Variants in CACNB2 observed in about 807,000 individuals in gnomAD.
CACNB2 encodes voltage-dependent L-type calcium channel subunit beta-2.
A neutral mutation model predicts 73.3 loss-of-function variants in CACNB2; 42 were observed. The observed-to-expected ratio is 0.57, with a 90% confidence interval of 0.45 to 0.74. The LOEUF is 0.74. Among genes scored for constraint, CACNB2 ranks in the 30% least tolerant of loss-of-function variants. The pLI, the probability that CACNB2 is intolerant of heterozygous loss-of-function variation, is 0.00. For synonymous variants in CACNB2, 348 were observed against 310.3 expected, an observed-to-expected ratio of 1.12 and a Z score of -1.28; for missense variants, 940 against 853.0, an observed-to-expected ratio of 1.10 and a Z score of -1.27.
chr10:18,522,869 C>G (rs2052048520), intron 9 of CACNB2, among the ~76,000 whole-genome samples: 1 of 95,600 alleles, frequency 1.0e-5, no homozygotes, highest in African/African-American at 4.5e-5. Flanking sequence ...CAGAGTGAGA[C>G]TCTGTCTCAA....
At chr10:18,510,241 G>T (rs549057421) in intron 6 of CACNB2, among the ~76,000 whole-genome samples, 1 of 152,160 alleles carries the variant, frequency 6.6e-6, no homozygotes, top group Non-Finnish European at 1.5e-5. Flanking sequence ...CCTGACTCAG[G>T]CTATGTGTGT....
At chr10:18,378,211 G>A (rs775450471) in intron 2 of CACNB2, among the ~76,000 whole-genome samples, 1 of 152,092 alleles carries the variant, frequency 6.6e-6, no homozygotes, top group Non-Finnish European at 1.5e-5. Flanking sequence ...GAACCTGTCA[G>A]TTTTCACATT....
intron 2 of CACNB2, among the ~76,000 whole-genome samples, chr10:18,350,548 G>A (rs1461573602): frequency 1.3e-5 from 2 of 152,164 alleles, no homozygotes; most frequent in African/African-American, 4.8e-5. Context: ...GTTCCCTCAG[G>A]AGTAGCGCTT....
chr10:18,444,383 A>G (rs891012791), intron 3 of CACNB2, among the ~76,000 whole-genome samples: 3 of 152,228 alleles, frequency 2.0e-5, no homozygotes, highest in Non-Finnish European at 2.9e-5. Flanking sequence ...TGTGTCCTTC[A>G]GCAAGTTACT....
At chr10:18,403,418 A>G (rs1347755312) in intron 3 of CACNB2, among the ~76,000 whole-genome samples, 3 of 152,246 alleles carry the variant, frequency 2.0e-5, no homozygotes, top group Non-Finnish European at 4.4e-5. Flanking sequence ...AAAGAAGAGT[A>G]CAAAAAAACT....
At chr10:18,344,981 GAGATCACTGTTTAATC>G (rs1019378680) in intron 2 of CACNB2, among the ~76,000 whole-genome samples, 8 of 152,244 alleles carry the variant, frequency 5.3e-5, no homozygotes, top group Middle Eastern at 3.4e-3. Context: ...ACCTTATTTT[GAGATCACTGTTTAATC>G]AGATCACTGT....
At position 18,518,739 on chromosome 10, in the gene CACNB2, A is replaced by C. The variant is rs116484182; in HGVS notation, c.886-171A>C. On this transcript the variant is annotated intron_variant, in intron 8 of 13. Coordinates refer to ENST00000324631, the MANE Select transcript of CACNB2 (RefSeq NM_201596.3). ...AAAACATCATGATAAGTTCAGTTTAATTGTCATTGCATCAGAACTCAGAAG... is the reference window on the plus strand; with the variant it reads ...AAAACATCATGATAAGTTCAGTTTACTTGTCATTGCATCAGAACTCAGAAG... 6.8e-3 allele frequency among the ~76,000 whole-genome samples: 1,043 copies of C among 152,312 alleles called. 17 individuals are homozygous for C. Among genetic ancestry groups the C allele is most frequent in the African/African-American group, 0.024 (1,009 of 41,560 alleles).
intron 5 of CACNB2, among the ~76,000 whole-genome samples, chr10:18,502,037 G>C (rs937541191): frequency 6.6e-6 from 1 of 152,222 alleles, no homozygotes; most frequent in Non-Finnish European, 1.5e-5. Flanking sequence ...GGCCGGGCAT[G>C]GTGGCTCATG....
At chr10:18,233,122 T>C (rs982457416) in intron 2 of CACNB2, among the ~76,000 whole-genome samples, 1 of 152,152 alleles carries the variant, frequency 6.6e-6, no homozygotes, top group Non-Finnish European at 1.5e-5. Context: ...AGAAAAAACA[T>C]AGATGTATTC....
At chr10:18,172,923 C>G (rs1358052178) in intron 2 of CACNB2, among the ~76,000 whole-genome samples, 1 of 73,744 alleles carries the variant, frequency 1.4e-5, no homozygotes, top group African/African-American at 5.8e-5. Flanking sequence ...AATAATAAGG[C>G]CTTTTTTTTT....
At chr10:18,302,821 C>A (rs193297877) in intron 2 of CACNB2, among the ~76,000 whole-genome samples, 3 of 152,194 alleles carry the variant, frequency 2.0e-5, no homozygotes, top group Admixed American at 1.3e-4. Context: ...ACTCATGTAA[C>A]CGAACACCAC....
rs78635993 is a variant in CACNB2 at position 18,450,950 on chromosome 10, T to C, written c.334-47405T>C. ...CCACGCCCAGCCCCGTTTGCTTTTT[T>C]TATGAAAAGAATCACTACCAATATT... is the stretch of plus-strand genomic sequence containing the variant. On this transcript the variant is annotated intron_variant, in intron 3 of 13. Transcript: ENST00000324631. Among the ~76,000 whole-genome samples, 20 of 152,330 alleles carry C rather than the reference T, an allele frequency of 1.3e-4. No individual in the cohort carries two copies. In the East Asian group the frequency reaches 3.5e-3, roughly 26 times the overall value.
chr10:18,176,861 AG>A (rs1474578957), intron 2 of CACNB2, among the ~76,000 whole-genome samples: 2 of 151,916 alleles, frequency 1.3e-5, no homozygotes, highest in African/African-American at 4.8e-5. Flanking sequence ...TCGGTGTTTC[AG>A]GGGACATTGA....
intron 3 of CACNB2, among the ~76,000 whole-genome samples, chr10:18,466,033 T>G (rs991009959): frequency 1.3e-5 from 2 of 152,146 alleles, no homozygotes; most frequent in Non-Finnish European, 2.9e-5. Flanking sequence ...TTAATAAAAT[T>G]ATCTAAACCT....
chr10:18,439,888 A>G (rs1416693043), intron 3 of CACNB2, among the ~76,000 whole-genome samples: 1 of 152,204 alleles, frequency 6.6e-6, no homozygotes, highest in African/African-American at 2.4e-5. Context: ...GTAGGATTAC[A>G]GTCTAGCTCG....
At chr10:18,457,473 GT>G (rs753360609) in intron 3 of CACNB2, among the ~76,000 whole-genome samples, 4 of 152,140 alleles carry the variant, frequency 2.6e-5, no homozygotes, top group Non-Finnish European at 2.9e-5. Flanking sequence ...CATAAATTAA[GT>G]TCCTCCCACA....
intron 3 of CACNB2, among the ~76,000 whole-genome samples, chr10:18,477,065 G>C (rs200959758): frequency 7.2e-5 from 11 of 152,186 alleles, no homozygotes; most frequent in Admixed American, 2.6e-4. Context: ...AGAAAAAGGA[G>C]GGGGAGGGTA....
chr10:18,140,586 C>T lies in CACNB2; in HGVS notation c.-151C>T. 1.9e-6 allele frequency: 1 copy of T among 527,224 alleles called. No homozygotes were observed. The highest frequency in any genetic ancestry group is 3.1e-6 in the Non-Finnish European group (1 of 325,052). 32.7% of individuals were successfully genotyped at this position (527,224 alleles called of 1,614,324 possible). A position where few individuals can be genotyped will look rare whatever the true frequency, so the allele number is the denominator to read the frequency against. ...AGCGCCTGGCAGCAGGGCGCCGAGT[C>T]CCGGGGCGCTGCGGGGCGCTGCGCC... On this transcript the variant is annotated 5_prime_UTR_variant, in exon 1 of 14. Coordinates refer to ENST00000324631, the MANE Select transcript of CACNB2 (RefSeq NM_201596.3).
chr10:18,324,381 G>T lies in CACNB2; in HGVS notation c.214-77543G>T, dbSNP rs554222345. Reference sequence around the variant, plus strand: ...GTTTGCCAGGAAGACAAAGAGGGAGGCCATTTCAGAATGCAGAAGTTTTGG... The same window carrying T: ...GTTTGCCAGGAAGACAAAGAGGGAGTCCATTTCAGAATGCAGAAGTTTTGG... On this transcript the variant is annotated intron_variant, in intron 2 of 13. Transcript: ENST00000324631. Among the ~76,000 whole-genome samples the T allele has an allele frequency of 3.3e-5, 5 of 152,302 alleles. No individual in the cohort carries two copies. In the South Asian group the frequency reaches 6.2e-4, roughly 19 times the overall value.
Sources: gnomAD v4.1 joint callset for allele counts (sites outside exome capture counted in the v4.1 genomes callset) on GRCh38, gnomAD v4.1.1 for gene constraint, MANE v1.5 for transcripts, NCBI Gene and HGNC (gene_info 2026-07-23, HGNC 2026-07-21) for gene names.